The following PLXNA4 variants were observed in gnomAD, a reference collection of about 807,000 sequenced individuals.
The protein encoded by PLXNA4 is plexin A4, also known as plexin-A4.
Under a neutral mutation model 191.8 loss-of-function variants are expected in PLXNA4, and 44 were observed. The ratio of observed to expected loss-of-function variants is 0.23; its 90% CI spans 0.18 to 0.29. PLXNA4 has a LOEUF of 0.29. PLXNA4 is among the 10% of genes least tolerant of loss of function. The pLI is 1.00. For synonymous variants in PLXNA4, 1,082 were observed against 1,009.5 expected, an observed-to-expected ratio of 1.07 and a Z score of -1.36; for missense variants, 1,800 against 2,488.8, an observed-to-expected ratio of 0.72 and a Z score of 5.89.
At chr7:132,297,236 G>A (rs1419398752) in intron 4 of PLXNA4, among the ~76,000 whole-genome samples, 4 of 152,162 alleles carry the variant, frequency 2.6e-5, no homozygotes, top group Non-Finnish European at 4.4e-5. Flanking sequence ...ATATTCATGG[G>A]ATAGAGGGGC....
chr7:132,349,603 A>G (rs889593874), intron 3 of PLXNA4, among the ~76,000 whole-genome samples: 1 of 152,204 alleles, frequency 6.6e-6, no homozygotes, highest in African/African-American at 2.4e-5. Flanking sequence ...CGACCCTGAC[A>G]GTAAAGGAGC....
At chr7:132,632,147 A>C (rs1172545382) in intron 2 of PLXNA4, among the ~76,000 whole-genome samples, 1 of 151,288 alleles carries the variant, frequency 6.6e-6, no homozygotes, top group South Asian at 2.1e-4. Flanking sequence ...GAGGCAGGAG[A>C]ATTACTTGAA....
intron 1 of PLXNA4, among the ~76,000 whole-genome samples, chr7:132,540,357 A>T (rs115647429): frequency 6.6e-6 from 1 of 152,124 alleles, no homozygotes; most frequent in Admixed American, 6.5e-5. Context: ...CTTATTTAAC[A>T]TGCAATTGCT....
At chr7:132,349,823 A>C (rs917204190) in intron 3 of PLXNA4, among the ~76,000 whole-genome samples, 2 of 152,146 alleles carry the variant, frequency 1.3e-5, no homozygotes, top group Non-Finnish European at 2.9e-5. Context: ...TCTTGCCATC[A>C]AATGCCCTTT....
intron 3 of PLXNA4, among the ~76,000 whole-genome samples, chr7:132,439,787 GAC>G (rs1186796042): frequency 6.6e-6 from 1 of 152,168 alleles, no homozygotes; most frequent in Non-Finnish European, 1.5e-5. Flanking sequence ...AAGGCCCTAG[GAC>G]AGTTTCCTCT....
At chr7:132,158,131 A>G (rs750579247) in intron 25 of PLXNA4, among the ~76,000 whole-genome samples, 5 of 152,242 alleles carry the variant, frequency 3.3e-5, no homozygotes, top group Non-Finnish European at 5.9e-5. Flanking sequence ...CTCAGAGCAC[A>G]GGGCCAAACA....
intron 25 of PLXNA4, among the ~76,000 whole-genome samples, chr7:132,157,106 C>G (rs908254565): frequency 6.6e-6 from 1 of 152,156 alleles, no homozygotes; most frequent in Admixed American, 6.5e-5. Flanking sequence ...AAGTGTGGCC[C>G]AGCAGCAAAT....
At chr7:132,148,455 G>A in intron 26 of PLXNA4, 88 bp downstream of exon 26, 1 of 1,559,252 alleles carries the variant, frequency 6.4e-7, no homozygotes, top group Non-Finnish European at 8.7e-7. Flanking sequence ...GAGGGGCTTG[G>A]TGTCTACCCC....
At chr7:132,345,888 A>C (rs1803227010) in intron 3 of PLXNA4, among the ~76,000 whole-genome samples, 1 of 150,812 alleles carries the variant, frequency 6.6e-6, no homozygotes, top group Non-Finnish European at 1.5e-5. Context: ...CGTTCACATG[A>C]CTCCCCCTTC....
intron 4 of PLXNA4, among the ~76,000 whole-genome samples, chr7:132,272,754 G>A (rs1343947658): frequency 6.6e-6 from 1 of 152,160 alleles, no homozygotes; most frequent in East Asian, 1.9e-4. Context: ...AGTTTCCTAT[G>A]ACTTTGTAAT....
intron 2 of PLXNA4, among the ~76,000 whole-genome samples, chr7:132,609,586 C>T (rs748259260): frequency 2.0e-5 from 3 of 152,210 alleles, no homozygotes; most frequent in African/African-American, 7.2e-5. Context: ...AGATGGCCAA[C>T]TACAACCTGC....
chr7:132,384,232 T>A (rs896404695), intron 3 of PLXNA4: 1 of 985,336 alleles, frequency 1.0e-6, no homozygotes, highest in African/African-American at 1.7e-5. Context: ...GTGTGGTGGT[T>A]CTTAGCAACA....
At chr7:132,165,100 G>T in intron 23 of PLXNA4, 34 bp downstream of exon 23, 3 of 1,606,334 alleles carry the variant, frequency 1.9e-6, no homozygotes, top group Non-Finnish European at 2.6e-6. Flanking sequence ...AATGAACGAG[G>T]CAAGGCCAGA....
At chr7:132,486,397 G>C (rs541545611) in intron 3 of PLXNA4, among the ~76,000 whole-genome samples, 1 of 152,202 alleles carries the variant, frequency 6.6e-6, no homozygotes, top group Non-Finnish European at 1.5e-5. Flanking sequence ...ATAAATAAAT[G>C]GGCCACTTTT....
At chr7:132,323,626 G>A (rs1454970507) in intron 3 of PLXNA4, among the ~76,000 whole-genome samples, 1 of 152,090 alleles carries the variant, frequency 6.6e-6, no homozygotes, top group Non-Finnish European at 1.5e-5. Flanking sequence ...CTTCTGACAC[G>A]ACTCTCCCAG....
intron 3 of PLXNA4, among the ~76,000 whole-genome samples, chr7:132,361,091 T>C (rs541539852): frequency 1.3e-5 from 2 of 152,290 alleles, no homozygotes; most frequent in South Asian, 2.1e-4. Flanking sequence ...CCCCAAGGAC[T>C]CAGCTGTAAT....
intron 4 of PLXNA4, among the ~76,000 whole-genome samples, chr7:132,274,519 C>A (rs1344472251): frequency 6.6e-6 from 1 of 151,994 alleles, no homozygotes; most frequent in Non-Finnish European, 1.5e-5. Flanking sequence ...ATTTCTAATT[C>A]TTTTCCAGGG....
At chr7:132,241,205 G>A in intron 4 of PLXNA4, 39 bp from the exon 5 acceptor site, 1 of 1,467,508 alleles carries the variant, frequency 6.8e-7, no homozygotes, top group Non-Finnish European at 9.5e-7. Flanking sequence ...TCAAGATTTT[G>A]CAGAACACCC....
intron 8 of PLXNA4, among the ~76,000 whole-genome samples, chr7:132,224,861 A>T (rs1798262934): frequency 6.6e-6 from 1 of 152,196 alleles, no homozygotes; most frequent in Non-Finnish European, 1.5e-5. Flanking sequence ...ATAGACCCTA[A>T]AATTCCACCA....
Sources: allele counts gnomAD v4.1 joint callset (sites outside exome capture counted in the v4.1 genomes callset), GRCh38; gene constraint gnomAD v4.1.1; transcripts MANE v1.5; gene names NCBI Gene and HGNC (gene_info 2026-07-23, HGNC 2026-07-21).